The following SYNE1 variants were observed in gnomAD, a reference collection of about 807,000 sequenced individuals.
SYNE1 encodes nesprin-1.
SYNE1 carries 616 observed loss-of-function variants against 1,111.0 expected under a neutral mutation model. The ratio of observed to expected loss-of-function variants is 0.55; its 90% CI spans 0.52 to 0.59. The LOEUF is 0.59. SYNE1 is among the 20% of genes least tolerant of loss of function. SYNE1 has a pLI of 0.00. For synonymous variants in SYNE1, 3,855 were observed against 3,825.8 expected, an observed-to-expected ratio of 1.01 and a Z score of -0.28; for missense variants, 10,006 against 10,417.0, an observed-to-expected ratio of 0.96 and a Z score of 1.72.
intron 3 of SYNE1, among the ~76,000 whole-genome samples, chr6:152,565,316 T>C (rs2099409338): frequency 6.6e-6 from 1 of 152,180 alleles, no homozygotes; most frequent in Non-Finnish European, 1.5e-5. Context: ...AGTTAGTTAA[T>C]TACTGGGAAT....
At chr6:152,125,194 T>C in intron 145 of SYNE1, 2 of 1,512,068 alleles carry the variant, frequency 1.3e-6, no homozygotes, top group Non-Finnish European at 1.8e-6. Flanking sequence ...CCGCACTCTC[T>C]GCTGTGAAAT....
In SYNE1 at chr6:152,325,218, C is replaced by A; in HGVS notation, c.15523G>T (p.Asp5175Tyr). ...CTGCTCAGGGTGGCTTTGCTGGCAT[C>A]ATTTCCGGTTTTCTCCAGTTGTGAA... is the stretch of plus-strand genomic sequence containing the variant. ...KASQLEKTGN[D>Y]ASKATLSRSM... Residue 5175 changes from aspartate (D) to tyrosine (Y), a missense_variant, in exon 81 of 146, where the codon GAT becomes TAT. By Grantham distance (160) the Asp-to-Tyr change is radical. Around this residue, in one of 7 missense-constraint regions of SYNE1, gnomAD observed 4,955 missense variants for 5,017.2 expected, o/e 0.99. Transcript: ENST00000367255. 3 of 1,614,198 alleles carry A rather than the reference C, an allele frequency of 1.9e-6. No homozygotes were observed. Among genetic ancestry groups the A allele is most frequent in the Non-Finnish European group, 2.5e-6 (3 of 1,180,050 alleles).
intron 145 of SYNE1, among the ~76,000 whole-genome samples, chr6:152,123,906 A>G (rs2052366296): frequency 6.6e-6 from 1 of 152,238 alleles, no homozygotes; most frequent in South Asian, 2.1e-4. Context: ...CTGAAGACAG[A>G]CTACCCTAAT....
At chr6:152,165,876 T>C (rs933051682) in intron 130 of SYNE1, among the ~76,000 whole-genome samples, 1 of 152,200 alleles carries the variant, frequency 6.6e-6, no homozygotes, top group Non-Finnish European at 1.5e-5. Context: ...GTGCATTTGA[T>C]CGACCACAGC....
At chr6:152,433,736 A>T in intron 34 of SYNE1, 59 bp downstream of exon 34, 7 of 1,595,308 alleles carry the variant, frequency 4.4e-6, no homozygotes, top group Non-Finnish European at 6.0e-6. Flanking sequence ...GATGAAATGT[A>T]AGAAAGTAGT....
At chr6:152,484,038 CAAAAAA>C (rs773019397) in intron 13 of SYNE1, among the ~76,000 whole-genome samples, 23 of 53,506 alleles carry the variant, frequency 4.3e-4, no homozygotes, top group Admixed American at 2.1e-3. Context: ...CTCATCTCTA[CAAAAAA>C]AAAAAAAAAA....
At chr6:152,430,909 T>TG (rs2098422820) in intron 34 of SYNE1, among the ~76,000 whole-genome samples, 200 bp from the exon 35 acceptor site, 2 of 152,056 alleles carry the variant, frequency 1.3e-5, no homozygotes, top group South Asian at 2.1e-4. Flanking sequence ...AGTGATGGGT[T>TG]GGGGGGTGCT....
intron 62 of SYNE1, among the ~76,000 whole-genome samples, chr6:152,366,681 G>T (rs1297302329): frequency 6.6e-6 from 1 of 152,116 alleles, no homozygotes; most frequent in Non-Finnish European, 1.5e-5. Flanking sequence ...TCCAACTTCA[G>T]ACAGTAAAAC....
At chr6:152,326,134 G>A in intron 79 of SYNE1, 32 bp from the exon 80 acceptor site, 3 of 1,614,060 alleles carry the variant, frequency 1.9e-6, no homozygotes, top group Non-Finnish European at 2.5e-6. Flanking sequence ...CTGATAAGTA[G>A]CACGAAATCA....
chr6:152,568,482 T>A (rs1435241042), intron 3 of SYNE1, among the ~76,000 whole-genome samples: 1 of 152,052 alleles, frequency 6.6e-6, no homozygotes, highest in African/African-American at 2.4e-5. Context: ...TTTGTATTTT[T>A]AGTAGAGATG....
intron 20 of SYNE1, 200 bp downstream of exon 20, chr6:152,462,538 G>GAAGTA: frequency 1.6e-6 from 1 of 621,934 alleles, no homozygotes; most frequent in Non-Finnish European, 2.8e-6. Context: ...GAAACAATTT[G>GAAGTA]AAGTTACTTT....
chr6:152,629,982 C>T (rs971592319), intron 2 of SYNE1, among the ~76,000 whole-genome samples: 1 of 152,062 alleles, frequency 6.6e-6, no homozygotes, highest in Non-Finnish European at 1.5e-5. Flanking sequence ...CATAAAAGGA[C>T]TTTGCTCATG....
At chr6:152,575,758 C>G (rs761216021) in intron 3 of SYNE1, among the ~76,000 whole-genome samples, 15 of 152,202 alleles carry the variant, frequency 9.9e-5, no homozygotes, top group Non-Finnish European at 2.1e-4. Flanking sequence ...AAACTATTAA[C>G]AGCTACCTCA....
intron 3 of SYNE1, among the ~76,000 whole-genome samples, chr6:152,597,780 T>C (rs543836975): frequency 1.1e-4 from 16 of 152,348 alleles, no homozygotes; most frequent in African/African-American, 3.8e-4. Context: ...CTTAAATATG[T>C]AGTATATATT....
At chr6:152,535,757 A>G (rs2099232126) in intron 4 of SYNE1, among the ~76,000 whole-genome samples, 1 of 152,208 alleles carries the variant, frequency 6.6e-6, no homozygotes, top group Admixed American at 6.5e-5. Flanking sequence ...AACTTTTTAC[A>G]AAGGGTTTTT....
intron 99 of SYNE1, among the ~76,000 whole-genome samples, chr6:152,268,817 CA>C (rs1397135851): frequency 1.1e-4 from 16 of 152,164 alleles, no homozygotes; most frequent in African/African-American, 3.9e-4. Context: ...CACCAAACCT[CA>C]AAAGGCTTTC....
At position 152,381,253 on chromosome 6, in the gene SYNE1, G is replaced by A. The variant is rs371229610; in HGVS notation, c.8762C>T (p.Thr2921Met). The A allele has an allele frequency of 2.5e-6, 4 of 1,614,080 alleles. No homozygotes were observed. Among genetic ancestry groups the A allele is most frequent in the Admixed American group, 1.7e-5 (1 of 60,008 alleles). Residue 2921 changes from threonine to methionine, a missense_variant, in exon 56 of 146, where the codon ACG (threonine) becomes ATG (methionine). Thr to Met is a moderately conservative substitution (Grantham distance 81, BLOSUM62 -1). Transcript: ENST00000367255. Reference sequence around the variant, plus strand: ...GTCGGCACGCAGGGCCTGCATCTCCGTGTGCATGAGCTCACACCCACTGGC... The same window carrying A: ...GTCGGCACGCAGGGCCTGCATCTCCATGTGCATGAGCTCACACCCACTGGC... Reference protein sequence around the residue: ...TTASGCELMHTEMQALRADWK... With the variant: ...TTASGCELMHMEMQALRADWK...
chr6:152,128,228 C>T (rs1390064383), intron 145 of SYNE1: 1 of 152,186 alleles, frequency 6.6e-6, no homozygotes, highest in Admixed American at 6.5e-5. Flanking sequence ...GCTTTGAAAG[C>T]ATGCTTCTAA....
rs551573865 is a variant in SYNE1 at position 152,329,025 on chromosome 6, C to A, written c.14955+705G>T. Among the ~76,000 whole-genome samples the A allele has an allele frequency of 3.3e-5, 5 of 152,264 alleles. No homozygotes were observed. In the East Asian group the frequency reaches 9.7e-4, roughly 29 times the overall value. ...CATCTAGCAGGTGATTTTAGAAATACCAGCCTTCACATTGTTTACAAAGGG... is the reference window on the plus strand; with the variant it reads ...CATCTAGCAGGTGATTTTAGAAATAACAGCCTTCACATTGTTTACAAAGGG... On this transcript the variant is annotated intron_variant, in intron 78 of 145. Transcript: ENST00000367255.
Sources: allele counts gnomAD v4.1 joint callset (sites outside exome capture counted in the v4.1 genomes callset), GRCh38; gene constraint gnomAD v4.1.1; regional missense constraint gnomAD v4.1.1; transcripts MANE v1.5; gene names NCBI Gene and HGNC (gene_info 2026-07-23, HGNC 2026-07-21).